TDRD3: variants seen among roughly 807,000 people sequenced by gnomAD.
The protein encoded by TDRD3 is tudor domain containing 3.
In TDRD3, 45 loss-of-function variants were observed where a neutral mutation model predicts 86.7. The ratio of observed to expected loss-of-function variants is 0.52; its 90% CI spans 0.41 to 0.67. The LOEUF (loss-of-function observed/expected upper bound fraction) is 0.67. Ranked by LOEUF, TDRD3 falls within the 30% of genes least tolerant of loss-of-function variation. The pLI is 0.00. For missense variants in TDRD3, 814 were observed against 889.0 expected (o/e 0.92, Z 1.07); for synonymous variants, 298 against 301.7 (o/e 0.99, Z 0.13).
At position 60,444,592 on chromosome 13, in the gene TDRD3, A is replaced by G. The variant is rs987693959; in HGVS notation, c.127-91A>G. Reference sequence around the variant, plus strand: ...GTTAAACTGAATTTTTGTTTCACAAACCATAAGTAATTTCATCTTTTGTTC... The same window carrying G: ...GTTAAACTGAATTTTTGTTTCACAAGCCATAAGTAATTTCATCTTTTGTTC... On this transcript the variant is annotated intron_variant, in intron 2 of 13. Transcript: ENST00000377881. 5.2e-6 allele frequency: 4 copies of G among 764,108 alleles called. No individual in the cohort carries two copies. In the African/African-American group the frequency reaches 5.5e-5, roughly 11 times the overall value. 47.3% of individuals were successfully genotyped at this position (764,108 alleles called of 1,614,324 possible).
intron 8 of TDRD3, among the ~76,000 whole-genome samples, chr13:60,495,699 A>G (rs1956698215): frequency 6.6e-6 from 1 of 152,130 alleles, no homozygotes; most frequent in African/African-American, 2.4e-5. Flanking sequence ...TCCTGACCTC[A>G]GATGATCCAC....
At position 60,502,046 on chromosome 13, in the gene TDRD3, A is replaced by G. The variant is rs144738089; in HGVS notation, c.858+7471A>G. ...GTAGAGTGAGTATAGCAGTTCCCGC[A>G]AGTGTTGTGTAGTACATAATTTCCA... is the stretch of plus-strand genomic sequence containing the variant. On this transcript the variant is annotated intron_variant, in intron 8 of 13. Transcript: ENST00000377881. Among the ~76,000 whole-genome samples the G allele has an allele frequency of 4.9e-3, 754 of 152,352 alleles. 3 individuals carry two copies. Among genetic ancestry groups the G allele is most frequent in the Middle Eastern group, 0.024 (7 of 294 alleles).
At chr13:60,479,267 T>C (rs181402372) in intron 5 of TDRD3, among the ~76,000 whole-genome samples, 24 of 152,366 alleles carry the variant, frequency 1.6e-4, no homozygotes, top group Admixed American at 3.3e-4. Flanking sequence ...CCAGAAGTTA[T>C]TCAGGAGTAA....
chr13:60,548,483 T>C (rs1176942984), intron 12 of TDRD3, among the ~76,000 whole-genome samples: 2 of 152,192 alleles, frequency 1.3e-5, no homozygotes, highest in Non-Finnish European at 2.9e-5. Context: ...CATGAGCCGC[T>C]TGCCATTAAT....
chr13:60,410,972 G>A (rs144613938), intron 1 of TDRD3, among the ~76,000 whole-genome samples: 143 of 152,188 alleles, frequency 9.4e-4, no homozygotes, highest in African/African-American at 3.0e-3. Flanking sequence ...TTGTATATGC[G>A]TATATTAAAA....
chr13:60,397,797 G>A (rs1953973603), intron 1 of TDRD3, among the ~76,000 whole-genome samples: 1 of 151,900 alleles, frequency 6.6e-6, no homozygotes, highest in African/African-American at 2.4e-5. Flanking sequence ...AGCGGGATCG[G>A]GAGGCGAGGG....
intron 1 of TDRD3, among the ~76,000 whole-genome samples, chr13:60,430,873 A>G (rs1954939369): frequency 6.6e-6 from 1 of 152,138 alleles, no homozygotes; most frequent in African/African-American, 2.4e-5. Context: ...CGATCATTTT[A>G]AAATCGTCAT....
At chr13:60,465,285 A>G (rs2138073193) in intron 4 of TDRD3, among the ~76,000 whole-genome samples, 1 of 152,208 alleles carries the variant, frequency 6.6e-6, no homozygotes, top group African/African-American at 2.4e-5. Flanking sequence ...GCTTATTTTT[A>G]TTTATCCTTG....
chr13:60,484,841 A>G (rs992897464), intron 6 of TDRD3: 13 of 341,952 alleles, frequency 3.8e-5, no homozygotes, highest in South Asian at 1.2e-4. Context: ...AAATAATAGT[A>G]TATTTGTAAA....
Position 60,483,836 on chromosome 13 carries a change from C to T in TDRD3, c.557C>T (p.Pro186Leu). The T allele has an allele frequency of 6.2e-7, 1 of 1,612,730 alleles. No homozygotes were observed. The highest frequency in any genetic ancestry group is 8.5e-7 in the Non-Finnish European group (1 of 1,179,292). ...GAAGGTGGACCACCGCCTTTTGTGC[C>T]TTTTGGACAGGTAATGACTTTTGTG... ...GTEGGPPPFV[P>L]FGQKCVSHVQ... The change falls in exon 6 of 14, where the codon CCT becomes CTT. Residue 186 changes from proline (P) to leucine (L), a missense_variant. Pro to Leu is a moderately conservative substitution (Grantham distance 98, BLOSUM62 -3). Coordinates refer to ENST00000377881, the MANE Select transcript of TDRD3 (RefSeq NM_001146070.2).
chr13:60,411,915 A>G (rs1205271092), intron 1 of TDRD3, among the ~76,000 whole-genome samples: 1 of 152,232 alleles, frequency 6.6e-6, no homozygotes, highest in East Asian at 1.9e-4. Flanking sequence ...CTTCATGGTC[A>G]TAGCAGAGTA....
At chr13:60,516,993 G>A (rs1957186740) in intron 10 of TDRD3, among the ~76,000 whole-genome samples, 1 of 152,042 alleles carries the variant, frequency 6.6e-6, no homozygotes, top group South Asian at 2.1e-4. Flanking sequence ...TGTTTTTATG[G>A]TGTTCCATTA....
At chr13:60,542,626 T>C (rs530930318) in intron 12 of TDRD3, among the ~76,000 whole-genome samples, 1 of 152,342 alleles carries the variant, frequency 6.6e-6, no homozygotes, top group East Asian at 1.9e-4. Flanking sequence ...GGTGATGGAC[T>C]AAAAGTGGAC....
At chr13:60,526,888 G>A (rs905914508) in intron 10 of TDRD3, among the ~76,000 whole-genome samples, 2 of 151,886 alleles carry the variant, frequency 1.3e-5, no homozygotes, top group Non-Finnish European at 2.9e-5. Context: ...AGGCTGGAGA[G>A]CAGTGGCACA....
chr13:60,409,676 C>T (rs776272539), intron 1 of TDRD3, among the ~76,000 whole-genome samples: 3 of 152,180 alleles, frequency 2.0e-5, no homozygotes, highest in African/African-American at 7.2e-5. Context: ...TTACCCAATA[C>T]CTGTACCCTC....
In TDRD3 at chr13:60,528,623, C is replaced by G; in HGVS notation, c.1398C>G (p.Asp466Glu). The G allele has an allele frequency of 6.2e-7, 1 of 1,613,932 alleles. No individual in the cohort carries two copies. The highest frequency in any genetic ancestry group is 8.5e-7 in the Non-Finnish European group (1 of 1,179,926). ...CAGTATCTGAAGTATGGGCTGAAGACAGAATCAAATGTGATAGACCGTATT... is the reference window on the plus strand; with the variant it reads ...CAGTATCTGAAGTATGGGCTGAAGAGAGAATCAAATGTGATAGACCGTATT... ...TSSVSEVWAE[D>E]RIKCDRPYSR... Residue 466 changes from aspartate (D) to glutamate (E), a missense_variant, in exon 11 of 14, where the codon GAC (aspartate) becomes GAG (glutamate). Coordinates refer to ENST00000377881, the MANE Select transcript of TDRD3 (RefSeq NM_001146070.2).
chr13:60,508,822 A>G (rs1956992901), intron 8 of TDRD3, among the ~76,000 whole-genome samples: 1 of 152,192 alleles, frequency 6.6e-6, no homozygotes, highest in Non-Finnish European at 1.5e-5. Context: ...TCTGACTTTC[A>G]GTTACCTAAT....
chr13:60,512,802 T>A (rs190885180), intron 10 of TDRD3, among the ~76,000 whole-genome samples: 144 of 152,272 alleles, frequency 9.5e-4, no homozygotes, highest in Admixed American at 2.2e-3. Context: ...GGATACAGCC[T>A]CCCTCCCAGC....
At chr13:60,542,818 A>G (rs1957846948) in intron 12 of TDRD3, among the ~76,000 whole-genome samples, 1 of 151,742 alleles carries the variant, frequency 6.6e-6, no homozygotes, top group South Asian at 2.1e-4. Flanking sequence ...TTAATTTTTA[A>G]ATTTCTTTTT....
Sources: allele counts gnomAD v4.1 joint callset (sites outside exome capture counted in the v4.1 genomes callset), GRCh38; gene constraint gnomAD v4.1.1; transcripts MANE v1.5; gene names NCBI Gene and HGNC (gene_info 2026-07-23, HGNC 2026-07-21).